AFF3: variants seen among roughly 807,000 people sequenced by gnomAD.
AFF3 encodes AF4/FMR2 family member 3.
AFF3 carries 32 observed loss-of-function variants against 129.7 expected under a neutral mutation model. The ratio of observed to expected loss-of-function variants is 0.25; its 90% confidence interval spans 0.19 to 0.33. AFF3 has a LOEUF of 0.33. Ranked by LOEUF, AFF3 falls within the 10% of genes least tolerant of loss-of-function variation. AFF3 has a pLI of 1.00. For synonymous variants in AFF3, 644 were observed against 635.4 expected, an observed-to-expected ratio of 1.01 and a Z score of -0.20; for missense variants, 1,373 against 1,592.0, an observed-to-expected ratio of 0.86 and a Z score of 2.34.
chr2:99,779,638 A>C (rs940351053), intron 8 of AFF3, among the ~76,000 whole-genome samples: 1 of 152,144 alleles, frequency 6.6e-6, no homozygotes, highest in South Asian at 2.1e-4. Flanking sequence ...AAGCGTAAAC[A>C]CTGTACCCAG....
chr2:99,868,951 C>A (rs537719224), intron 7 of AFF3, among the ~76,000 whole-genome samples: 14 of 152,230 alleles, frequency 9.2e-5, no homozygotes, highest in African/African-American at 3.1e-4. Context: ...CACCACTGTG[C>A]ATGGCTAACA....
intron 7 of AFF3, among the ~76,000 whole-genome samples, chr2:99,981,714 G>A (rs747204766): frequency 2.6e-5 from 4 of 152,238 alleles, no homozygotes; most frequent in Non-Finnish European, 4.4e-5. Flanking sequence ...TTTTCTAATT[G>A]ATATATAAGA....
At chr2:100,106,270 T>C in intron 2 of AFF3, 1 of 1,176,798 alleles carries the variant, frequency 8.5e-7, no homozygotes, top group South Asian at 1.6e-5. Context: ...ATGAAATTGT[T>C]ATTTTACAAG....
At chr2:100,053,091 G>A (rs1686481549) in intron 4 of AFF3, among the ~76,000 whole-genome samples, 1 of 152,150 alleles carries the variant, frequency 6.6e-6, no homozygotes, top group Admixed American at 6.5e-5. Context: ...ACAAGCTAAG[G>A]TAATCTAAAA....
intron 7 of AFF3, among the ~76,000 whole-genome samples, chr2:99,954,394 A>T (rs1302717118): frequency 6.6e-6 from 1 of 152,026 alleles, no homozygotes; most frequent in Non-Finnish European, 1.5e-5. Flanking sequence ...ATACCATTTG[A>T]CCCAGCCATC....
intron 11 of AFF3, among the ~76,000 whole-genome samples, chr2:99,725,307 A>G (rs1679277517): frequency 1.3e-5 from 2 of 151,846 alleles, no homozygotes; most frequent in African/African-American, 4.8e-5. Context: ...ATAAGAAATA[A>G]GGTACAGAGT....
chr2:99,693,770 G>T (rs933141478), intron 11 of AFF3, among the ~76,000 whole-genome samples: 3 of 152,038 alleles, frequency 2.0e-5, no homozygotes, highest in African/African-American at 7.3e-5. Context: ...AGTAGGTTTT[G>T]GTTCCTTATT....
At chr2:99,839,890 G>T (rs189439166) in intron 7 of AFF3, among the ~76,000 whole-genome samples, 8 of 152,150 alleles carry the variant, frequency 5.3e-5, no homozygotes, top group Admixed American at 5.2e-4. Context: ...GATTACAGGC[G>T]TGAGCCACCA....
intron 13 of AFF3, among the ~76,000 whole-genome samples, chr2:99,634,688 C>A (rs1284522636): frequency 6.6e-6 from 1 of 151,882 alleles, no homozygotes; most frequent in African/African-American, 2.4e-5. Flanking sequence ...TGGCTTGGCA[C>A]TCCCCTCCTT....
intron 2 of AFF3, chr2:100,106,735 C>T: frequency 1.0e-6 from 1 of 985,944 alleles, no homozygotes; most frequent in South Asian, 4.7e-5. Flanking sequence ...CTTCCCACCA[C>T]ATCTGTTTAT....
chr2:100,123,252 T>C (rs1692053573), intron 2 of AFF3, among the ~76,000 whole-genome samples: 1 of 152,232 alleles, frequency 6.6e-6, no homozygotes, highest in Non-Finnish European at 1.5e-5. Context: ...TCTGCTTAGA[T>C]GCCTTCTGAC....
At chr2:99,687,622 T>C (rs550130373) in intron 11 of AFF3, among the ~76,000 whole-genome samples, 5 of 151,826 alleles carry the variant, frequency 3.3e-5, no homozygotes, top group Non-Finnish European at 7.4e-5. Context: ...AGCGAGGGTC[T>C]CATAAGCAGG....
chr2:99,783,284 T>C (rs1182006243), intron 8 of AFF3, among the ~76,000 whole-genome samples: 1 of 152,226 alleles, frequency 6.6e-6, no homozygotes, highest in African/African-American at 2.4e-5. Flanking sequence ...GTTCCAACTG[T>C]GGAGATTCTG....
intron 7 of AFF3, among the ~76,000 whole-genome samples, chr2:99,870,881 T>C (rs1264575351): frequency 1.3e-5 from 2 of 152,256 alleles, no homozygotes; most frequent in East Asian, 3.8e-4. Flanking sequence ...GGAACTGGGC[T>C]GCCTGAGTTC....
At chr2:99,660,331 A>G (rs1194577311) in intron 12 of AFF3, among the ~76,000 whole-genome samples, 1 of 152,232 alleles carries the variant, frequency 6.6e-6, no homozygotes, top group Admixed American at 6.5e-5. Context: ...AAGAACTTAA[A>G]TCTAAGTCTG....
chr2:100,012,083 CAAG>C (rs1469102855), intron 4 of AFF3, among the ~76,000 whole-genome samples: 2 of 152,126 alleles, frequency 1.3e-5, no homozygotes, highest in South Asian at 2.1e-4. Flanking sequence ...CTCCTACTAC[CAAG>C]AAGGAGTGAA....
Position 99,560,333 on chromosome 2 carries a change from GGCT to G in AFF3, c.3191+29_3191+31del, listed in dbSNP as rs554973516. On this transcript the variant is annotated intron_variant, in intron 21 of 24. Transcript: ENST00000672756. ...TGCCAATGATGGCATGCGAGGCTGGGGCTGCTATTCTAAGCGGAGATGGGCACT... is the reference window on the plus strand; with the variant it reads ...TGCCAATGATGGCATGCGAGGCTGGGGCTATTCTAAGCGGAGATGGGCACT... 37 of 1,609,008 alleles carry G rather than the reference GGCT, an allele frequency of 2.3e-5. 1 individual carries two copies. In the South Asian group the frequency reaches 3.6e-4, roughly 16 times the overall value.
chr2:99,658,121 A>G (rs1558709546), intron 12 of AFF3, among the ~76,000 whole-genome samples: 2 of 152,218 alleles, frequency 1.3e-5, no homozygotes, highest in Admixed American at 1.3e-4. Flanking sequence ...TATCAGTCAG[A>G]AGCAAGAAGA....
chr2:100,005,124 C>T (rs1326297602), intron 7 of AFF3, among the ~76,000 whole-genome samples: 1 of 152,166 alleles, frequency 6.6e-6, no homozygotes, highest in Admixed American at 6.5e-5. Flanking sequence ...ATGTTCTTTC[C>T]AATCTGAGTC....
Sources: gnomAD v4.1 joint callset for allele counts (sites outside exome capture counted in the v4.1 genomes callset) on GRCh38, gnomAD v4.1.1 for gene constraint, MANE v1.5 for transcripts, NCBI Gene and HGNC (gene_info 2026-07-23, HGNC 2026-07-21) for gene names.